Variants in MYO3B observed in about 807,000 individuals in gnomAD.
MYO3B encodes myosin IIIB.
In MYO3B, 156 loss-of-function variants were observed where a neutral mutation model predicts 174.6. The ratio of observed to expected loss-of-function variants is 0.89; its 90% CI spans 0.78 to 1.02. The LOEUF (loss-of-function observed/expected upper bound fraction) is 1.02, where lower values mean the gene tolerates loss of function less well. Among genes scored for constraint, MYO3B ranks in the 50% least tolerant of loss-of-function variants. The probability of loss-of-function intolerance (pLI) is 0.00; values close to 1 mark genes in which losing one functional copy is unlikely to be tolerated. For synonymous variants in MYO3B, 563 were observed against 569.1 expected, an observed-to-expected ratio of 0.99 and a Z score of 0.15; for missense variants, 1,632 against 1,639.4, an observed-to-expected ratio of 1.00 and a Z score of 0.08.
intron 1 of MYO3B, among the ~76,000 whole-genome samples, chr2:170,188,883 C>T (rs997603141): frequency 6.6e-6 from 1 of 152,074 alleles, no homozygotes; most frequent in African/African-American, 2.4e-5. Flanking sequence ...GTATAGTTTA[C>T]ACACCACAAT....
In MYO3B at chr2:170,472,986, C is replaced by T. The variant is rs1291481740; in HGVS notation, c.3014+6275C>T. ...AAACTGGTGGGATTATAGGTGTGAG[C>T]CACCATGCCTGAACTTCAGCTCACT... On this transcript the variant is annotated intron_variant, in intron 25 of 34. Transcript: ENST00000408978. 2.0e-5 allele frequency among the ~76,000 whole-genome samples: 3 copies of T among 152,130 alleles called. No individual in the cohort carries two copies. The East Asian group carries it at 5.8e-4, about 29-fold the overall frequency.
chr2:170,489,881 T>C (rs1686346019), intron 25 of MYO3B, among the ~76,000 whole-genome samples: 2 of 152,188 alleles, frequency 1.3e-5, no homozygotes, highest in African/African-American at 4.8e-5. Context: ...GATATCTCTC[T>C]CCATTTATTT....
chr2:170,292,533 G>C (rs1486581413), intron 7 of MYO3B, among the ~76,000 whole-genome samples: 1 of 151,964 alleles, frequency 6.6e-6, no homozygotes, highest in African/African-American at 2.4e-5. Flanking sequence ...AGTTTTCTCT[G>C]TCCAGCTTGT....
At chr2:170,397,652 C>T (rs1020302048) in intron 16 of MYO3B, among the ~76,000 whole-genome samples, 1 of 152,132 alleles carries the variant, frequency 6.6e-6, no homozygotes, top group Admixed American at 6.5e-5. Flanking sequence ...TTTTTCTCCC[C>T]CATACCTGCA....
chr2:170,530,287 C>T (rs1689275202), intron 30 of MYO3B, among the ~76,000 whole-genome samples: 1 of 152,048 alleles, frequency 6.6e-6, no homozygotes, highest in Non-Finnish European at 1.5e-5. Context: ...GTCCCTGATA[C>T]CAAAATTCTA....
At chr2:170,509,785 A>C (rs1687865555) in intron 28 of MYO3B, among the ~76,000 whole-genome samples, 1 of 65,000 alleles carries the variant, frequency 1.5e-5, no homozygotes, top group Admixed American at 1.5e-4. Flanking sequence ...AAAATCTAGG[A>C]GCTAAATATC....
intron 8 of MYO3B, chr2:170,342,392 T>C (rs2093982413): frequency 6.6e-6 from 1 of 152,260 alleles, no homozygotes; most frequent in Non-Finnish European, 1.5e-5. Flanking sequence ...ATTGTCTGTG[T>C]GTGCTTGTGC....
chr2:170,370,998 C>T (rs1314018662), intron 9 of MYO3B, among the ~76,000 whole-genome samples: 1 of 151,604 alleles, frequency 6.6e-6, no homozygotes, highest in Non-Finnish European at 1.5e-5. Context: ...GTGGATGAAT[C>T]ACAAGGTCAG....
chr2:170,491,511 C>A (rs554242980), intron 25 of MYO3B, among the ~76,000 whole-genome samples: 3 of 152,084 alleles, frequency 2.0e-5, no homozygotes, highest in African/African-American at 7.2e-5. Flanking sequence ...CTGCAAGCTC[C>A]GCCTCCCAGG....
At chr2:170,632,456 A>G (rs1173476669) in intron 32 of MYO3B, among the ~76,000 whole-genome samples, 2 of 152,208 alleles carry the variant, frequency 1.3e-5, no homozygotes, top group Non-Finnish European at 2.9e-5. Flanking sequence ...ACATACCAGA[A>G]TCTCTGGGAC....
chr2:170,603,496 T>C (rs548524596), intron 32 of MYO3B, among the ~76,000 whole-genome samples: 2 of 152,342 alleles, frequency 1.3e-5, no homozygotes, highest in African/African-American at 4.8e-5. Flanking sequence ...ATTATTCCTG[T>C]GGCATTGATT....
rs1249123233 is a variant in MYO3B at position 170,596,884 on chromosome 2, C to T, written c.3733+52896C>T. On this transcript the variant is annotated intron_variant, in intron 32 of 34. Transcript: ENST00000408978. ...GGAGTCTCTTTGAGCAGCCTAGCCC[C>T]TTCTAACTAGGTGTACTATCTTCAC... Among the ~76,000 whole-genome samples the T allele has an allele frequency of 2.0e-5, 3 of 152,312 alleles. No individual in the cohort carries two copies. The East Asian group carries it at 5.8e-4, about 29-fold the overall frequency.
intron 22 of MYO3B, among the ~76,000 whole-genome samples, chr2:170,442,619 A>G (rs1310387099): frequency 6.6e-6 from 1 of 151,538 alleles, no homozygotes; most frequent in African/African-American, 2.4e-5. Context: ...CATCATTTAC[A>G]TTAGGTATAT....
chr2:170,309,923 C>T (rs2093726201), intron 7 of MYO3B, among the ~76,000 whole-genome samples: 1 of 152,206 alleles, frequency 6.6e-6, no homozygotes, highest in Non-Finnish European at 1.5e-5. Context: ...TCCCCATTCC[C>T]TATTTCTCCC....
chr2:170,375,295 A>G (rs2094283032), intron 9 of MYO3B, among the ~76,000 whole-genome samples: 2 of 152,162 alleles, frequency 1.3e-5, no homozygotes, highest in Admixed American at 1.3e-4. Context: ...TTGGGAGAAG[A>G]GTGAAACCAC....
intron 25 of MYO3B, among the ~76,000 whole-genome samples, chr2:170,496,828 A>G (rs1010540931): frequency 2.0e-5 from 3 of 151,910 alleles, no homozygotes; most frequent in Non-Finnish European, 4.4e-5. Flanking sequence ...GGATTTGGCC[A>G]TGTTGTCCAG....
chr2:170,609,223 C>T (rs1694993673), intron 32 of MYO3B, among the ~76,000 whole-genome samples: 1 of 152,174 alleles, frequency 6.6e-6, no homozygotes, highest in Non-Finnish European at 1.5e-5. Context: ...ACACATTATA[C>T]TGGCATACTT....
chr2:170,481,786 T>C (rs2106013220), intron 25 of MYO3B, among the ~76,000 whole-genome samples: 1 of 152,114 alleles, frequency 6.6e-6, no homozygotes, highest in East Asian at 1.9e-4. Context: ...TTAACATTGC[T>C]CTCCTTGCAT....
In MYO3B at chr2:170,255,332, T is replaced by A. The variant is rs1376792789; in HGVS notation, c.749+19196T>A. Among the ~76,000 whole-genome samples the A allele has an allele frequency of 2.3e-5, 3 of 128,300 alleles. No individual in the cohort carries two copies. The East Asian group carries it at 6.1e-4, about 26-fold the overall frequency. The allele number at this position is 128,300 out of a possible 152,430, so 84.2% of individuals were successfully genotyped here. ...GACTTAGTAAGGGAGTCATCTCTTGTGCTCCTCCCCCCTTCCCTCACCATC... is the reference window on the plus strand; with the variant it reads ...GACTTAGTAAGGGAGTCATCTCTTGAGCTCCTCCCCCCTTCCCTCACCATC... On this transcript the variant is annotated intron_variant, in intron 7 of 34. Transcript: ENST00000408978.
Sources: gnomAD v4.1 joint callset for allele counts (sites outside exome capture counted in the v4.1 genomes callset) on GRCh38, gnomAD v4.1.1 for gene constraint, MANE v1.5 for transcripts, NCBI Gene and HGNC (gene_info 2026-07-23, HGNC 2026-07-21) for gene names.